The following NEK7 variants were observed in gnomAD, a reference collection of about 807,000 sequenced individuals.
The protein encoded by NEK7 is serine/threonine-protein kinase Nek7.
A neutral mutation model predicts 44.6 loss-of-function variants in NEK7; 18 were observed. That is an observed-to-expected ratio of 0.40 (90% confidence interval 0.28 to 0.60). The LOEUF (loss-of-function observed/expected upper bound fraction) is 0.60, where lower values mean the gene tolerates loss of function less well. Ranked by LOEUF, NEK7 falls within the 20% of genes least tolerant of loss-of-function variation. The pLI, the probability that NEK7 is intolerant of heterozygous loss-of-function variation, is 0.38. For synonymous variants in NEK7, 130 were observed against 121.1 expected (o/e 1.07, Z -0.48); for missense variants, 256 against 366.5 (o/e 0.70, Z 2.46).
At chr1:198,221,205 A>G (rs750630653) in intron 1 of NEK7, 1 of 152,034 alleles carries the variant, frequency 6.6e-6, no homozygotes, top group Admixed American at 6.6e-5. Context: ...ACTTGGAAGC[A>G]TAAAGAGGAA....
intron 9 of NEK7, among the ~76,000 whole-genome samples, chr1:198,305,091 ATAAACCAT>A (rs373037299): frequency 0.15 from 23,582 of 152,192 alleles, 2,440 homozygotes; most frequent in South Asian, 0.26. Context: ...CTGAGATAAC[ATAAACCAT>A]GAAATGCTTA....
At chr1:198,199,405 C>T (rs1251243580) in intron 1 of NEK7, among the ~76,000 whole-genome samples, 1 of 152,212 alleles carries the variant, frequency 6.6e-6, no homozygotes, top group Non-Finnish European at 1.5e-5. Context: ...GGAGGGTGAT[C>T]TGCACAGCAC....
At chr1:198,168,325 A>G (rs139536391) in intron 1 of NEK7, among the ~76,000 whole-genome samples, 134 of 152,326 alleles carry the variant, frequency 8.8e-4, no homozygotes, top group African/African-American at 3.1e-3. Flanking sequence ...TACCAACGGT[A>G]TCTGGTTAGA....
chr1:198,216,856 A>G (rs947403388), intron 1 of NEK7, among the ~76,000 whole-genome samples: 4 of 151,680 alleles, frequency 2.6e-5, no homozygotes, highest in African/African-American at 9.7e-5. Context: ...ATAATTATCA[A>G]TTTCCTCGAA....
At chr1:198,239,118 T>C (rs894355790) in intron 2 of NEK7, among the ~76,000 whole-genome samples, 4 of 152,236 alleles carry the variant, frequency 2.6e-5, no homozygotes, top group African/African-American at 7.2e-5. Context: ...TAACTGGTCT[T>C]CTTTCCTCTC....
At chr1:198,174,773 G>T (rs999712683) in intron 1 of NEK7, among the ~76,000 whole-genome samples, 1 of 151,568 alleles carries the variant, frequency 6.6e-6, no homozygotes, top group Non-Finnish European at 1.5e-5. Context: ...TTTTTTTTGG[G>T]GGGGGACAGG....
intron 9 of NEK7, among the ~76,000 whole-genome samples, chr1:198,309,014 A>T (rs1437387810): frequency 6.6e-6 from 1 of 152,214 alleles, no homozygotes; most frequent in Non-Finnish European, 1.5e-5. Context: ...TAGATCTTGC[A>T]GTTTAATAGA....
intron 5 of NEK7, among the ~76,000 whole-genome samples, chr1:198,276,470 A>C (rs930459063): frequency 1.3e-5 from 2 of 151,670 alleles, no homozygotes; most frequent in Admixed American, 1.3e-4. Context: ...CTGAAAGAAA[A>C]TTATGTGTAA....
At chr1:198,217,840 T>TAAA (rs35485996) in intron 1 of NEK7, among the ~76,000 whole-genome samples, 4 of 107,248 alleles carry the variant, frequency 3.7e-5, no homozygotes, top group Non-Finnish European at 6.6e-5. Context: ...ACAATAGCTA[T>TAAA]AAAAAAAAAA....
At chr1:198,299,279 A>G (rs1480869706) in intron 9 of NEK7, among the ~76,000 whole-genome samples, 1 of 152,250 alleles carries the variant, frequency 6.6e-6, no homozygotes. Context: ...AGTTATGTAG[A>G]AGAGTTCTCA....
At chr1:198,165,589 C>CA (rs1382051559) in intron 1 of NEK7, among the ~76,000 whole-genome samples, 1 of 152,136 alleles carries the variant, frequency 6.6e-6, no homozygotes, top group Non-Finnish European at 1.5e-5. Context: ...TTAAAATACT[C>CA]AAAAAACCAT....
chr1:198,225,328 A>G (rs1666186087), intron 1 of NEK7, among the ~76,000 whole-genome samples: 1 of 151,724 alleles, frequency 6.6e-6, no homozygotes. Flanking sequence ...GGAACTTAGA[A>G]TAGCTAGGAG....
chr1:198,206,054 A>G lies in NEK7; in HGVS notation c.-28-26499A>G, dbSNP rs560285500. Reference sequence around the variant, plus strand: ...TGGGATTTGGGGTTTGCTTAAACAAACAAAAGTAGTACCTTGTGTAATATT... The same window carrying G: ...TGGGATTTGGGGTTTGCTTAAACAAGCAAAAGTAGTACCTTGTGTAATATT... On this transcript the variant is annotated intron_variant, in intron 1 of 9. Transcript: ENST00000367385. 2.2e-4 allele frequency among the ~76,000 whole-genome samples: 33 copies of G among 152,254 alleles called. 1 individual carries two copies. The South Asian group carries it at 6.6e-3, about 31-fold the overall frequency.
intron 1 of NEK7, among the ~76,000 whole-genome samples, chr1:198,231,324 T>TATATATATATAC (rs1666390565): frequency 7.0e-6 from 1 of 143,484 alleles, no homozygotes; most frequent in South Asian, 2.2e-4. Context: ...TATATATATA[T>TATATATATATAC]ATATATATAT....
At chr1:198,274,013 A>G (rs976540312) in intron 5 of NEK7, among the ~76,000 whole-genome samples, 2 of 151,282 alleles carry the variant, frequency 1.3e-5, no homozygotes, top group African/African-American at 4.9e-5. Flanking sequence ...GTCTATTATT[A>G]TAAGATGGAT....
intron 3 of NEK7, among the ~76,000 whole-genome samples, chr1:198,253,902 T>C (rs1571577611): frequency 6.6e-6 from 1 of 152,164 alleles, no homozygotes; most frequent in Admixed American, 6.6e-5. Context: ...TACTTGTCTT[T>C]CTGCCTTCCA....
intron 5 of NEK7, among the ~76,000 whole-genome samples, chr1:198,273,098 GCTTAGCACTCTTA>G (rs1448126439): frequency 2.6e-5 from 4 of 151,684 alleles, no homozygotes; most frequent in Non-Finnish European, 5.9e-5. Context: ...TCTAAAAACA[GCTTAGCACTCTTA>G]ATAGATTTTC....
At chr1:198,287,123 G>A (rs1654395217) in intron 7 of NEK7, among the ~76,000 whole-genome samples, 1 of 152,122 alleles carries the variant, frequency 6.6e-6, no homozygotes, top group Non-Finnish European at 1.5e-5. Flanking sequence ...TTTAATGGAC[G>A]CGACAGCTAG....
chr1:198,175,971 C>T (rs543436413), intron 1 of NEK7, among the ~76,000 whole-genome samples: 3 of 152,294 alleles, frequency 2.0e-5, no homozygotes, highest in Non-Finnish European at 2.9e-5. Context: ...TCTGTCTTCT[C>T]ATGCTATGTA....
Sources: gnomAD v4.1 joint callset for allele counts (sites outside exome capture counted in the v4.1 genomes callset) on GRCh38, gnomAD v4.1.1 for gene constraint, MANE v1.5 for transcripts, NCBI Gene and HGNC (gene_info 2026-07-23, HGNC 2026-07-21) for gene names.